Variants in RNF111 observed in about 807,000 individuals in gnomAD.
The protein encoded by RNF111 is ring finger protein 111, also known as E3 ubiquitin-protein ligase Arkadia.
In RNF111, 17 loss-of-function variants were observed where a neutral mutation model predicts 95.1. The ratio of observed to expected loss-of-function variants is 0.18; its 90% CI spans 0.12 to 0.27. The LOEUF is 0.27. Among genes scored for constraint, RNF111 ranks in the 10% least tolerant of loss-of-function variants. The pLI, the probability that RNF111 is intolerant of heterozygous loss-of-function variation, is 1.00. For synonymous variants in RNF111, 440 were observed against 414.8 expected, an observed-to-expected ratio of 1.06 and a Z score of -0.74; for missense variants, 1,189 against 1,210.4, an observed-to-expected ratio of 0.98 and a Z score of 0.26.
chr15:59,027,241 A>T (rs2040661234), intron 1 of RNF111, among the ~76,000 whole-genome samples: 1 of 152,324 alleles, frequency 6.6e-6, no homozygotes, highest in Admixed American at 6.5e-5. Flanking sequence ...TCCTCCTCTG[A>T]AATCCACCAG....
At chr15:59,070,026 C>CCCCCCCCT (rs2042841764) in intron 6 of RNF111, among the ~76,000 whole-genome samples, 1 of 103,686 alleles carries the variant, frequency 9.6e-6, no homozygotes, top group African/African-American at 4.3e-5. Context: ...ACCCCACCTC[C>CCCCCCCCT]TGCTTTTTTT....
At chr15:59,060,921 T>C (rs2042409212) in intron 5 of RNF111, among the ~76,000 whole-genome samples, 4 of 151,756 alleles carry the variant, frequency 2.6e-5, no homozygotes, top group Admixed American at 2.6e-4. Context: ...CCCGAGTAGA[T>C]GGGGGACCAC....
At chr15:59,024,139 A>C (rs1262006126) in intron 1 of RNF111, among the ~76,000 whole-genome samples, 1 of 152,146 alleles carries the variant, frequency 6.6e-6, no homozygotes, top group Non-Finnish European at 1.5e-5. Flanking sequence ...AGCAATAGTA[A>C]ATTTTCAAGA....
At position 59,081,095 on chromosome 15, in the gene RNF111, A is replaced by G. The variant is rs754961280; in HGVS notation, c.2108A>G (p.His703Arg). ...CAAATATCTTCTCATGCAACATCTC[A>G]TCCTGTGGCACCCCCACCACCAACT... Reference protein sequence around the residue: ...HSQISSHATSHPVAPPPPTHL... With the variant: ...HSQISSHATSRPVAPPPPTHL... The change falls in exon 8 of 14, where the codon CAT (histidine) becomes CGT (arginine). Residue 703 changes from histidine (H) to arginine (R), a missense_variant. Around this residue, in one of 2 missense-constraint regions of RNF111, gnomAD observed 1,024 missense variants for 925.9 expected, o/e 1.11. Coordinates refer to ENST00000348370, the MANE Select transcript of RNF111 (RefSeq NM_017610.8). The G allele has an allele frequency of 6.2e-6, 10 of 1,613,740 alleles. No individual in the cohort carries two copies. Among genetic ancestry groups the G allele is most frequent in the African/African-American group, 1.3e-5 (1 of 74,832 alleles).
In RNF111 at chr15:59,000,704, G is replaced by A. The variant is rs1474711085; in HGVS notation, c.-20+12636G>A. Among the ~76,000 whole-genome samples, 12 of 144,960 alleles carry A rather than the reference G, an allele frequency of 8.3e-5. No individual in the cohort carries two copies. In the South Asian group the frequency reaches 1.5e-3, roughly 18 times the overall value. On this transcript the variant is annotated intron_variant, in intron 1 of 13. Coordinates refer to ENST00000348370, the MANE Select transcript of RNF111 (RefSeq NM_017610.8). ...ATCCTGGGTGACAGAGCTGAACTCC[G>A]TCTCAAAAAAAAAAAAAAAAGATAA...
intron 1 of RNF111, among the ~76,000 whole-genome samples, chr15:59,012,935 C>T (rs750912027): frequency 4.6e-5 from 7 of 152,086 alleles, no homozygotes; most frequent in Non-Finnish European, 2.9e-5. Flanking sequence ...GACGGGGTTT[C>T]GCCATGTTGG....
At chr15:59,005,825 A>G (rs1442222822) in intron 1 of RNF111, among the ~76,000 whole-genome samples, 1 of 152,218 alleles carries the variant, frequency 6.6e-6, no homozygotes, top group African/African-American at 2.4e-5. Context: ...TATCATATGC[A>G]TATGTTACTT....
At chr15:59,017,995 G>A (rs1645716030) in intron 1 of RNF111, among the ~76,000 whole-genome samples, 1 of 152,104 alleles carries the variant, frequency 6.6e-6, no homozygotes, top group African/African-American at 2.4e-5. Flanking sequence ...CTGACCTCAG[G>A]TGACCCACCT....
At chr15:59,045,638 T>A (rs970937963) in intron 2 of RNF111, among the ~76,000 whole-genome samples, 6 of 152,182 alleles carry the variant, frequency 3.9e-5, no homozygotes, top group Non-Finnish European at 8.8e-5. Context: ...ATAAGGAAAG[T>A]TTTTTAAAAA....
rs200975904 is a variant in RNF111, at chr15:59,017,753, C to CTTT, written c.-19-13032_-19-13030dup. On this transcript the variant is annotated intron_variant, in intron 1 of 13. Coordinates refer to ENST00000348370, the MANE Select transcript of RNF111 (RefSeq NM_017610.8). ...GGTTTGTTACATTATTTGTTGAACT[C>CTTT]TTTTTTTTTTTTTTTTTTTTTGAGA... is the stretch of plus-strand genomic sequence containing the variant. Among the ~76,000 whole-genome samples, 81 of 120,934 alleles carry CTTT rather than the reference C, an allele frequency of 6.7e-4. 1 individual carries two copies. Among genetic ancestry groups the CTTT allele is most frequent in the African/African-American group, 2.0e-3 (57 of 29,086 alleles). The allele number at this position is 120,934 out of a possible 152,430, so 79.3% of individuals were successfully genotyped here.
chr15:59,082,699 G>A (rs1210766000), intron 8 of RNF111, among the ~76,000 whole-genome samples: 2 of 152,054 alleles, frequency 1.3e-5, no homozygotes, highest in Admixed American at 6.5e-5. Flanking sequence ...GAGAACATAC[G>A]GCCTGTAGAG....
chr15:59,078,817 C>CCACTGCACACA (rs1273826023), intron 7 of RNF111, among the ~76,000 whole-genome samples: 2 of 150,950 alleles, frequency 1.3e-5, no homozygotes, highest in Non-Finnish European at 2.9e-5. Context: ...TGAGATCACA[C>CCACTGCACACA]CACTGCACTC....
chr15:59,042,634 T>C (rs2041521673), intron 2 of RNF111, among the ~76,000 whole-genome samples: 1 of 152,114 alleles, frequency 6.6e-6, no homozygotes, highest in Admixed American at 6.5e-5. Flanking sequence ...ATGGACCAAA[T>C]TTTTTTTCAT....
chr15:59,068,434 C>T lies in RNF111; in HGVS notation c.1686+1351C>T, dbSNP rs146551752. Among the ~76,000 whole-genome samples the T allele has an allele frequency of 9.3e-3, 1,411 of 152,070 alleles. 12 individuals carry two copies. Among genetic ancestry groups the T allele is most frequent in the Non-Finnish European group, 0.014 (983 of 67,982 alleles). On this transcript the variant is annotated intron_variant, in intron 6 of 13. Coordinates refer to ENST00000348370, the MANE Select transcript of RNF111 (RefSeq NM_017610.8). ...CCAGCCTGGCCAACATGGTGAAATC[C>T]CATTTCTACTAAAATACAAAAATTA... is the stretch of plus-strand genomic sequence containing the variant.
chr15:59,087,952 T>G (rs1657286031), intron 10 of RNF111, among the ~76,000 whole-genome samples: 1 of 152,174 alleles, frequency 6.6e-6, no homozygotes, highest in Non-Finnish European at 1.5e-5. Context: ...GGGCACCTCT[T>G]AGATTACGTA....
chr15:59,047,134 T>A (rs544057808), intron 2 of RNF111, among the ~76,000 whole-genome samples: 1 of 152,118 alleles, frequency 6.6e-6, no homozygotes, highest in African/African-American at 2.4e-5. Context: ...GGAATTCTTA[T>A]AATTCAACAA....
At chr15:59,024,500 T>C (rs563957344) in intron 1 of RNF111, among the ~76,000 whole-genome samples, 1 of 152,064 alleles carries the variant, frequency 6.6e-6, no homozygotes, top group Non-Finnish European at 1.5e-5. Flanking sequence ...TGAGTTTGAG[T>C]GATGAGGAAG....
rs1175176235 is a variant in RNF111, at chr15:59,096,202, T to G, written c.*1302T>G. The G allele has an allele frequency of 3.0e-5, 12 of 396,632 alleles. No individual in the cohort carries two copies. The East Asian group carries it at 4.3e-4, about 14-fold the overall frequency. 24.6% of individuals were successfully genotyped at this position (396,632 alleles called of 1,614,324 possible). A position where few individuals can be genotyped will look rare whatever the true frequency, so the allele number is the denominator to read the frequency against. On this transcript the variant is annotated 3_prime_UTR_variant, in exon 14 of 14. Coordinates refer to ENST00000348370, the MANE Select transcript of RNF111 (RefSeq NM_017610.8). ...CCTTTGGAGGAAGTTTTAATCTACTTCAGGATGCATATTATTATCAAGATA... is the reference window on the plus strand; with the variant it reads ...CCTTTGGAGGAAGTTTTAATCTACTGCAGGATGCATATTATTATCAAGATA...
chr15:59,026,756 G>T (rs188457456), intron 1 of RNF111, among the ~76,000 whole-genome samples: 2 of 151,948 alleles, frequency 1.3e-5, no homozygotes, highest in Non-Finnish European at 2.9e-5. Flanking sequence ...ACAATACAGC[G>T]ATGGATTTTA....
Sources: gnomAD v4.1 joint callset for allele counts (sites outside exome capture counted in the v4.1 genomes callset) on GRCh38, gnomAD v4.1.1 for gene constraint, gnomAD v4.1.1 regional missense constraint, MANE v1.5 for transcripts, NCBI Gene and HGNC (gene_info 2026-07-23, HGNC 2026-07-21) for gene names.